Variants in TTLL5 observed in about 807,000 individuals in gnomAD.
The protein encoded by TTLL5 is tubulin polyglutamylase TTLL5.
TTLL5 carries 132 observed loss-of-function variants against 168.4 expected under a neutral mutation model. That is an observed-to-expected ratio of 0.78 (90% CI 0.68 to 0.91). The LOEUF (loss-of-function observed/expected upper bound fraction) is 0.91, where lower values mean the gene tolerates loss of function less well. Among genes scored for constraint, TTLL5 ranks in the 40% least tolerant of loss-of-function variants. The pLI, the probability that TTLL5 is intolerant of heterozygous loss-of-function variation, is 0.00. For missense variants in TTLL5, 1,545 were observed against 1,581.5 expected, an observed-to-expected ratio of 0.98 and a Z score of 0.39; for synonymous variants, 546 against 558.6, an observed-to-expected ratio of 0.98 and a Z score of 0.32.
rs780295455 is a variant in TTLL5, at chr14:75,782,531, A to G, written c.2560A>G (p.Lys854Glu). The G allele has an allele frequency of 6.8e-6, 11 of 1,613,902 alleles. No homozygotes were observed. The highest frequency in any genetic ancestry group is 2.5e-6 in the Non-Finnish European group (3 of 1,179,946). Reference sequence around the variant, plus strand: ...GGAAGAAGTGAAAATAAAGCCACCTAAACAGCAACAGACGACAGAAATTCA... The same window carrying G: ...GGAAGAAGTGAAAATAAAGCCACCTGAACAGCAACAGACGACAGAAATTCA... ...IMEEVKIKPP[K>E]QQQTTEIHSD... Residue 854 changes from lysine to glutamate, a missense_variant, in exon 25 of 32, where the codon AAA (lysine) becomes GAA (glutamate). Transcript: ENST00000298832.
At chr14:75,775,855 T>C (rs992590173) in intron 22 of TTLL5, among the ~76,000 whole-genome samples, 3 of 152,218 alleles carry the variant, frequency 2.0e-5, no homozygotes, top group Non-Finnish European at 4.4e-5. Flanking sequence ...AGTTAATTCT[T>C]AATTCTTATC....
At chr14:75,667,391 G>A (rs1186227573) in intron 2 of TTLL5, among the ~76,000 whole-genome samples, 1 of 152,192 alleles carries the variant, frequency 6.6e-6, no homozygotes, top group Non-Finnish European at 1.5e-5. Context: ...TGTACTTGCT[G>A]ATTTAGAAAT....
intron 28 of TTLL5, among the ~76,000 whole-genome samples, chr14:75,849,087 A>T (rs1167152541): frequency 1.3e-5 from 2 of 152,192 alleles, no homozygotes; most frequent in Non-Finnish European, 2.9e-5. Flanking sequence ...TTTTGACATG[A>T]TACCTCAATG....
chr14:75,723,696 C>T (rs537242395), intron 12 of TTLL5, among the ~76,000 whole-genome samples: 2 of 152,098 alleles, frequency 1.3e-5, no homozygotes, highest in Admixed American at 6.6e-5. Context: ...AATGTTCCGA[C>T]GTGGAAGAAG....
chr14:75,864,763 T>C (rs1349132784), intron 29 of TTLL5, among the ~76,000 whole-genome samples: 1 of 152,212 alleles, frequency 6.6e-6, no homozygotes, highest in Non-Finnish European at 1.5e-5. Context: ...AATAACTTTT[T>C]ATCAGTTTGA....
intron 26 of TTLL5, among the ~76,000 whole-genome samples, chr14:75,789,801 C>T (rs1040859990): frequency 1.3e-5 from 2 of 152,170 alleles, no homozygotes; most frequent in Non-Finnish European, 2.9e-5. Flanking sequence ...TCACATTGAT[C>T]TCTGTATTCA....
intron 5 of TTLL5, 120 bp downstream of exon 5, chr14:75,683,776 C>CA: frequency 4.1e-6 from 2 of 487,010 alleles, no homozygotes; most frequent in Middle Eastern, 5.0e-4. Flanking sequence ...AGAAGAAGGA[C>CA]TTTTTTTTTT....
intron 31 of TTLL5, among the ~76,000 whole-genome samples, chr14:75,919,071 C>T (rs983295308): frequency 2.0e-5 from 3 of 151,456 alleles, no homozygotes; most frequent in Non-Finnish European, 2.9e-5. Flanking sequence ...CATGGTGGCA[C>T]GTGCCTGTAA....
At position 75,905,474 on chromosome 14, in the gene TTLL5, A is replaced by G. The variant is rs2033105000; in HGVS notation, c.3823+3250A>G. 2.0e-5 allele frequency among the ~76,000 whole-genome samples: 3 copies of G among 152,206 alleles called. No homozygotes were observed. The South Asian group carries it at 6.2e-4, about 31-fold the overall frequency. Reference sequence around the variant, plus strand: ...TGGTATTATGAACATTAAATGAGATAGTGAATTGAAAGCTCTTAGCAGAGT... The same window carrying G: ...TGGTATTATGAACATTAAATGAGATGGTGAATTGAAAGCTCTTAGCAGAGT... On this transcript the variant is annotated intron_variant, in intron 31 of 31. Coordinates refer to ENST00000298832, the MANE Select transcript of TTLL5 (RefSeq NM_015072.5).
At chr14:75,710,140 G>C (rs946735616) in intron 9 of TTLL5, 5 of 152,042 alleles carry the variant, frequency 3.3e-5, no homozygotes, top group African/African-American at 7.3e-5. Flanking sequence ...GTTTCTCAAG[G>C]ACATCATAGC....
At chr14:75,941,704 G>T (rs2140195127) in intron 31 of TTLL5, among the ~76,000 whole-genome samples, 1 of 151,758 alleles carries the variant, frequency 6.6e-6, no homozygotes, top group South Asian at 2.1e-4. Flanking sequence ...TTGCTGTGTT[G>T]CCCAGGCTGG....
At chr14:75,738,656 A>G (rs1206989878) in intron 15 of TTLL5, among the ~76,000 whole-genome samples, 2 of 152,194 alleles carry the variant, frequency 1.3e-5, no homozygotes, top group African/African-American at 4.8e-5. Context: ...AGAAAACAAA[A>G]CAAAATAATG....
chr14:75,832,991 C>T (rs916374349), intron 28 of TTLL5, among the ~76,000 whole-genome samples: 1 of 152,154 alleles, frequency 6.6e-6, no homozygotes, highest in African/African-American at 2.4e-5. Flanking sequence ...CCAGTTTCAG[C>T]GGGAATTGCT....
At chr14:75,824,519 T>C (rs1348372025) in intron 28 of TTLL5, among the ~76,000 whole-genome samples, 1 of 151,678 alleles carries the variant, frequency 6.6e-6, no homozygotes, top group Non-Finnish European at 1.5e-5. Flanking sequence ...ACATCTAAAG[T>C]AGTCAAAATC....
intron 27 of TTLL5, among the ~76,000 whole-genome samples, chr14:75,800,687 C>G (rs1893248339): frequency 2.0e-5 from 3 of 152,140 alleles, no homozygotes; most frequent in Admixed American, 2.0e-4. Flanking sequence ...TCTTCTTCCC[C>G]TAGTAGGGAT....
chr14:75,780,701 AG>A (rs767438465), intron 24 of TTLL5, among the ~76,000 whole-genome samples: 1 of 152,232 alleles, frequency 6.6e-6, no homozygotes, highest in Non-Finnish European at 1.5e-5. Context: ...ATTTTCCCAA[AG>A]AAACAGTGTT....
intron 29 of TTLL5, among the ~76,000 whole-genome samples, chr14:75,878,288 T>C (rs2031608420): frequency 6.6e-6 from 1 of 152,208 alleles, no homozygotes; most frequent in Non-Finnish European, 1.5e-5. Flanking sequence ...TTTTCCCACA[T>C]AGTTAGAAAT....
intron 31 of TTLL5, among the ~76,000 whole-genome samples, chr14:75,922,659 A>C (rs1566661694): frequency 6.6e-6 from 1 of 152,000 alleles, no homozygotes; most frequent in Non-Finnish European, 1.5e-5. Flanking sequence ...TTTCGCATAG[A>C]TGTTCATCAG....
intron 18 of TTLL5, among the ~76,000 whole-genome samples, chr14:75,754,181 G>A (rs1454976140): frequency 6.6e-6 from 1 of 151,952 alleles, no homozygotes; most frequent in Non-Finnish European, 1.5e-5. Context: ...TTTTATTTTG[G>A]CAAGTGTGTT....
Sources: gnomAD v4.1 joint callset for allele counts (sites outside exome capture counted in the v4.1 genomes callset) on GRCh38, gnomAD v4.1.1 for gene constraint, MANE v1.5 for transcripts, NCBI Gene and HGNC (gene_info 2026-07-23, HGNC 2026-07-21) for gene names.